RAB38: variants seen among roughly 807,000 people sequenced by gnomAD.
RAB38 encodes the protein RAB38, member RAS oncogene family.
A neutral mutation model predicts 18.4 loss-of-function variants in RAB38; 15 were observed. The ratio of observed to expected loss-of-function variants is 0.82; its 90% CI spans 0.55 to 1.26. RAB38 has a LOEUF of 1.26. RAB38 is among the 50% of genes most tolerant of loss of function. RAB38 has a pLI of 0.00. For synonymous variants in RAB38, 101 were observed against 104.4 expected (o/e 0.97, Z 0.20); for missense variants, 294 against 267.4 (o/e 1.10, Z -0.69).
chr11:87,855,984 C>G, the RAB38 span, among the ~76,000 whole-genome samples: 1 of 152,084 alleles, frequency 6.6e-6, no homozygotes, highest in African/African-American at 2.4e-5. Flanking sequence ...GTTCCTTAAA[C>G]TTTTTTAAAC....
At chr11:88,029,611 C>G in the RAB38 span, among the ~76,000 whole-genome samples, 1 of 151,974 alleles carries the variant, frequency 6.6e-6, no homozygotes, top group Non-Finnish European at 1.5e-5. Context: ...TTTAAACCAA[C>G]AAAGATCAAA....
At chr11:87,887,749 A>C in the RAB38 span, among the ~76,000 whole-genome samples, 1 of 151,970 alleles carries the variant, frequency 6.6e-6, no homozygotes, top group African/African-American at 2.4e-5. Context: ...GAAAAAGGCA[A>C]ATTCATGAAT....
chr11:87,837,786 T>A, the RAB38 span, among the ~76,000 whole-genome samples: 27 of 152,314 alleles, frequency 1.8e-4, no homozygotes, highest in African/African-American at 6.3e-4. Flanking sequence ...TTGACTAAAG[T>A]CTTTGCATTT....
At chr11:87,958,793 T>C in the RAB38 span, among the ~76,000 whole-genome samples, 1 of 152,196 alleles carries the variant, frequency 6.6e-6, no homozygotes, top group Non-Finnish European at 1.5e-5. Flanking sequence ...AATACATGGC[T>C]GCATTTCTGC....
the RAB38 span, among the ~76,000 whole-genome samples, chr11:88,028,920 A>G: frequency 6.6e-6 from 1 of 152,200 alleles, no homozygotes; most frequent in Non-Finnish European, 1.5e-5. Flanking sequence ...TCCAAGATAC[A>G]TAATTGTCAG....
At chr11:88,038,508 G>C in the RAB38 span, among the ~76,000 whole-genome samples, 1 of 152,042 alleles carries the variant, frequency 6.6e-6, no homozygotes, top group Non-Finnish European at 1.5e-5. Flanking sequence ...CTTCCAACTA[G>C]ACTGAGTTCT....
the RAB38 span, among the ~76,000 whole-genome samples, chr11:87,941,219 A>ATATATATATATATATATG: frequency 9.5e-6 from 1 of 105,368 alleles, no homozygotes; most frequent in African/African-American, 3.7e-5. Context: ...TATGAGATAT[A>ATATATATATATATATATG]TATATATATA....
At chr11:88,104,293 A>C in the RAB38 span, among the ~76,000 whole-genome samples, 1 of 122,604 alleles carries the variant, frequency 8.2e-6, no homozygotes, top group Non-Finnish European at 1.6e-5. Flanking sequence ...CTTACGTTAA[A>C]TGTCCCTTAT....
At chr11:87,810,119 T>C in the RAB38 span, among the ~76,000 whole-genome samples, 124 of 152,294 alleles carry the variant, frequency 8.1e-4, 3 homozygotes, top group Middle Eastern at 0.014. Flanking sequence ...ACAGAGGAGA[T>C]AGGAGATATA....
the RAB38 span, among the ~76,000 whole-genome samples, chr11:87,869,922 G>A: frequency 1.3e-5 from 2 of 151,604 alleles, no homozygotes; most frequent in East Asian, 3.9e-4. Context: ...CTATAGATAT[G>A]TTAAAAGTCA....
At chr11:88,107,898 G>T in the RAB38 span, among the ~76,000 whole-genome samples, 2 of 152,074 alleles carry the variant, frequency 1.3e-5, no homozygotes, top group Non-Finnish European at 2.9e-5. Flanking sequence ...TTCAGGAGCA[G>T]GTTGTTCAGT....
chr11:87,917,879 C>T, the RAB38 span: 61 of 152,130 alleles, frequency 4.0e-4, 1 homozygote, highest in African/African-American at 1.4e-3. Flanking sequence ...TTTAACTATC[C>T]TTATTTTCTG....
chr11:87,964,473 C>G, the RAB38 span, among the ~76,000 whole-genome samples: 4 of 152,050 alleles, frequency 2.6e-5, no homozygotes, highest in Admixed American at 6.6e-5. Flanking sequence ...CTGGCCAGAA[C>G]AAGTCACAGA....
chr11:87,901,246 C>T, the RAB38 span, among the ~76,000 whole-genome samples: 1 of 151,510 alleles, frequency 6.6e-6, no homozygotes. Context: ...AGTTCCAGAG[C>T]AAGGCTTTTA....
At chr11:87,873,987 CAG>C in the RAB38 span, among the ~76,000 whole-genome samples, 1 of 142,672 alleles carries the variant, frequency 7.0e-6, no homozygotes, top group East Asian at 2.1e-4. Flanking sequence ...CTACATATGA[CAG>C]ATATCTCAAT....
At chr11:87,976,672 GATAT>G in the RAB38 span, among the ~76,000 whole-genome samples, 1 of 73,036 alleles carries the variant, frequency 1.4e-5, no homozygotes, top group African/African-American at 4.8e-5. Context: ...AATTTTATAT[GATAT>G]ATATTTATAT....
chr11:88,027,173 T>C, the RAB38 span, among the ~76,000 whole-genome samples: 2 of 152,196 alleles, frequency 1.3e-5, no homozygotes, highest in African/African-American at 2.4e-5. Context: ...TTTTTTTAAA[T>C]TGTGGTGCAT....
At chr11:88,127,580 C>T (rs1942714759) in intron 2 of RAB38, among the ~76,000 whole-genome samples, 1 of 152,108 alleles carries the variant, frequency 6.6e-6, no homozygotes, top group South Asian at 2.1e-4. Context: ...GTTTTTTATA[C>T]CCTCACCTAA....
the RAB38 span, chr11:88,062,022 C>G: frequency 6.6e-6 from 1 of 150,424 alleles, no homozygotes; most frequent in Non-Finnish European, 1.5e-5. Flanking sequence ...TTTTTTTTTA[C>G]TAGCTATAGT....
Sources: gnomAD v4.1 joint callset for allele counts (sites outside exome capture counted in the v4.1 genomes callset) on GRCh38, gnomAD v4.1.1 for gene constraint, MANE v1.5 for transcripts, NCBI Gene and HGNC (gene_info 2026-07-23, HGNC 2026-07-21) for gene names.